The following ARFGEF2 variants were observed in gnomAD, a reference collection of about 807,000 sequenced individuals.
ARFGEF2 encodes ARF guanine nucleotide exchange factor 2, also known as brefeldin A-inhibited guanine nucleotide-exchange protein 2.
In ARFGEF2, 74 loss-of-function variants were observed where a neutral mutation model predicts 219.9. That is an observed-to-expected ratio of 0.34 (90% CI 0.28 to 0.41). The LOEUF is 0.41. ARFGEF2 is among the 10% of genes least tolerant of loss of function. ARFGEF2 has a pLI of 1.00. For synonymous variants in ARFGEF2, 733 were observed against 799.2 expected (o/e 0.92, Z 1.40); for missense variants, 1,743 against 2,218.3 (o/e 0.79, Z 4.30).
In ARFGEF2 at chr20:48,964,679, A is replaced by T. The variant is rs199796167; in HGVS notation, c.907+781A>T. 7.2e-5 allele frequency among the ~76,000 whole-genome samples: 11 copies of T among 152,306 alleles called. 1 individual carries two copies. In the East Asian group the frequency reaches 1.7e-3, roughly 24 times the overall value. On this transcript the variant is annotated intron_variant, in intron 7 of 38. Transcript: ENST00000371917. ...TGCCTCATGGTATGGTTTCAGTGGA[A>T]TTAAACTTGTATGGCTCAGAATGAC...
intron 31 of ARFGEF2, among the ~76,000 whole-genome samples, chr20:49,016,920 T>G (rs2091534431): frequency 6.6e-6 from 1 of 152,194 alleles, no homozygotes; most frequent in Admixed American, 6.5e-5. Context: ...TGGCAAAAAT[T>G]GGAAATGTAA....
At chr20:49,002,637 AT>A (rs1178845046) in intron 25 of ARFGEF2, among the ~76,000 whole-genome samples, 1 of 152,078 alleles carries the variant, frequency 6.6e-6, no homozygotes, top group Non-Finnish European at 1.5e-5. Flanking sequence ...TTGAGATAGC[AT>A]TTTGCTCTTA....
chr20:48,938,038 C>G (rs979399089), intron 1 of ARFGEF2, among the ~76,000 whole-genome samples: 8 of 152,142 alleles, frequency 5.3e-5, no homozygotes, highest in African/African-American at 1.7e-4. Flanking sequence ...TATGCTTGTT[C>G]GAGAGTCGAG....
chr20:49,035,882 A>C lies in ARFGEF2; in HGVS notation c.*2683A>C. 1 of 311,520 alleles carries C rather than the reference A, an allele frequency of 3.2e-6. No homozygotes were observed. The highest frequency in any genetic ancestry group is 5.8e-6 in the Non-Finnish European group (1 of 172,426). The allele number at this position is 311,520 out of a possible 1,614,324, so 19.3% of individuals were successfully genotyped here. A position where few individuals can be genotyped will look rare whatever the true frequency, so the allele number is the denominator to read the frequency against. ...GATACGCATCTTTAGAGTCAAATATATCTTTTCCCTGTACTCCTCATGTAC... is the reference window on the plus strand; with the variant it reads ...GATACGCATCTTTAGAGTCAAATATCTCTTTTCCCTGTACTCCTCATGTAC... On this transcript the variant is annotated 3_prime_UTR_variant, in exon 39 of 39. Coordinates refer to ENST00000371917, the MANE Select transcript of ARFGEF2 (RefSeq NM_006420.3).
chr20:49,030,084 G>A (rs6095401), intron 37 of ARFGEF2, among the ~76,000 whole-genome samples: 54,429 of 150,310 alleles, frequency 0.36, 10,615 homozygotes, highest in African/African-American at 0.53. Context: ...TAATTTTTGT[G>A]TTTTTAGTAG....
chr20:48,990,976 C>T, intron 20 of ARFGEF2, 64 bp from the exon 21 acceptor site: 2 of 1,560,978 alleles, frequency 1.3e-6, no homozygotes, highest in Non-Finnish European at 1.7e-6. Flanking sequence ...GCCAGCCCTG[C>T]AGATGTGAGA....
chr20:48,973,703 A>G (rs1008144055), intron 12 of ARFGEF2, among the ~76,000 whole-genome samples: 2 of 152,200 alleles, frequency 1.3e-5, no homozygotes, highest in African/African-American at 4.8e-5. Flanking sequence ...TAGAGCACCT[A>G]CAAAGAAAAT....
At chr20:49,013,322 T>C (rs2091512261) in intron 28 of ARFGEF2, among the ~76,000 whole-genome samples, 1 of 151,466 alleles carries the variant, frequency 6.6e-6, no homozygotes, top group Middle Eastern at 3.2e-3. Flanking sequence ...AGGACTCTTG[T>C]GATCTGCCCC....
At chr20:48,954,871 T>C (rs571553346) in intron 6 of ARFGEF2, among the ~76,000 whole-genome samples, 7 of 152,192 alleles carry the variant, frequency 4.6e-5, no homozygotes, top group East Asian at 1.9e-4. Flanking sequence ...GTGTCTGTTA[T>C]CATCTTTGCC....
intron 6 of ARFGEF2, among the ~76,000 whole-genome samples, chr20:48,956,843 G>T (rs190316268): frequency 3.3e-5 from 5 of 152,080 alleles, no homozygotes; most frequent in African/African-American, 2.4e-5. Context: ...GCCTCCCAAA[G>T]TAATGGGATT....
At position 49,003,133 on chromosome 20, in the gene ARFGEF2, A is replaced by G. The variant is rs566148727; in HGVS notation, c.3433-1937A>G. 4.0e-5 allele frequency among the ~76,000 whole-genome samples: 6 copies of G among 148,182 alleles called. No homozygotes were observed. In the South Asian group the frequency reaches 6.4e-4, roughly 16 times the overall value. On this transcript the variant is annotated intron_variant, in intron 25 of 38. Transcript: ENST00000371917. ...CAGGCATATGCAACCACGCACAGCT[A>G]ATTTTTGTATTTTTAGTAGAGACAG...
intron 4 of ARFGEF2, among the ~76,000 whole-genome samples, chr20:48,951,767 T>G (rs1448013700): frequency 6.6e-6 from 1 of 152,132 alleles, no homozygotes; most frequent in Admixed American, 6.5e-5. Context: ...CAGTCTGGGT[T>G]TCTCAGTGGG....
At chr20:49,014,495 C>G (rs373960092) in intron 30 of ARFGEF2, among the ~76,000 whole-genome samples, 1 of 152,080 alleles carries the variant, frequency 6.6e-6, no homozygotes, top group Non-Finnish European at 1.5e-5. Flanking sequence ...GAACACCATT[C>G]CTTCTCTCAC....
At chr20:48,935,765 C>G (rs953816468) in intron 1 of ARFGEF2, among the ~76,000 whole-genome samples, 6 of 148,312 alleles carry the variant, frequency 4.0e-5, no homozygotes, top group Admixed American at 2.7e-4. Context: ...GCTGGCTGGG[C>G]GGGGGGCTGA....
chr20:49,013,001 G>T (rs2091509772), intron 28 of ARFGEF2, among the ~76,000 whole-genome samples: 1 of 152,160 alleles, frequency 6.6e-6, no homozygotes, highest in Non-Finnish European at 1.5e-5. Context: ...TAGAAAGACT[G>T]CCAGGTCCTA....
At chr20:48,989,934 C>T (rs2091347828) in intron 20 of ARFGEF2, among the ~76,000 whole-genome samples, 1 of 152,196 alleles carries the variant, frequency 6.6e-6, no homozygotes, top group African/African-American at 2.4e-5. Flanking sequence ...AATCCCAGCA[C>T]TTTGGGAGGC....
In ARFGEF2 at chr20:48,921,883, C is replaced by G. The variant is rs1319377131; in HGVS notation, c.-7C>G. ...GCGGGGCCGTCAGCCCCCGCCGGGC[C>G]GGGGCCATGCAGGAGAGCCAGACCA... On this transcript the variant is annotated 5_prime_UTR_variant, in exon 1 of 39. Transcript: ENST00000371917. 1 of 1,541,630 alleles carries G rather than the reference C, an allele frequency of 6.5e-7. No individual in the cohort carries two copies. Among genetic ancestry groups the G allele is most frequent in the Non-Finnish European group, 8.8e-7 (1 of 1,142,808 alleles).
intron 6 of ARFGEF2, among the ~76,000 whole-genome samples, chr20:48,956,222 A>G (rs2091104807): frequency 6.6e-6 from 1 of 152,216 alleles, no homozygotes; most frequent in East Asian, 1.9e-4. Context: ...TCACCATCAC[A>G]TGGCCAACCC....
intron 27 of ARFGEF2, among the ~76,000 whole-genome samples, chr20:49,010,913 C>G (rs959643951): frequency 1.3e-5 from 2 of 152,156 alleles, no homozygotes; most frequent in African/African-American, 4.8e-5. Context: ...AAGGTGGCAC[C>G]CTGCCTTCTT....
Sources: gnomAD v4.1 joint callset for allele counts (sites outside exome capture counted in the v4.1 genomes callset) on GRCh38, gnomAD v4.1.1 for gene constraint, MANE v1.5 for transcripts, NCBI Gene and HGNC (gene_info 2026-07-23, HGNC 2026-07-21) for gene names.